The following LCORL variants were observed in gnomAD, a reference collection of about 807,000 sequenced individuals.
LCORL encodes ligand-dependent nuclear receptor corepressor-like protein.
A neutral mutation model predicts 141.8 loss-of-function variants in LCORL; 41 were observed. That is an observed-to-expected ratio of 0.29 (90% CI 0.23 to 0.38). LCORL has a LOEUF of 0.38. Ranked by LOEUF, LCORL falls within the 10% of genes least tolerant of loss-of-function variation. The pLI, the probability that LCORL is intolerant of heterozygous loss-of-function variation, is 1.00. For synonymous variants in LCORL, 618 were observed against 694.1 expected (o/e 0.89, Z 1.72); for missense variants, 1,759 against 2,035.0 (o/e 0.86, Z 2.61).
At chr4:17,938,235 A>G (rs1268129604) in intron 4 of LCORL, among the ~76,000 whole-genome samples, 3 of 151,218 alleles carry the variant, frequency 2.0e-5, no homozygotes, top group Non-Finnish European at 3.0e-5. Context: ...TCGAACTCCC[A>G]ACCTCAGGTG....
intron 4 of LCORL, among the ~76,000 whole-genome samples, chr4:17,919,543 T>C (rs1733972476): frequency 6.6e-6 from 1 of 152,162 alleles, no homozygotes; most frequent in Admixed American, 6.5e-5. Flanking sequence ...GTCACAAGAA[T>C]TTTTTGCTTT....
At chr4:17,917,426 C>G (rs905123113) in intron 4 of LCORL, among the ~76,000 whole-genome samples, 1 of 152,226 alleles carries the variant, frequency 6.6e-6, no homozygotes, top group Non-Finnish European at 1.5e-5. Context: ...CTCCCGACCT[C>G]AGGTGATCTG....
Position 17,873,769 on chromosome 4 carries a change from T to C in LCORL, c.5221A>G (p.Asn1741Asp), listed in dbSNP as rs886444928. The change falls in exon 7 of 8, where the codon AAT becomes GAT. Residue 1741 changes from asparagine (N) to aspartate (D), a missense_variant. Asn to Asp is a conservative substitution (Grantham distance 23, BLOSUM62 1). Around this residue, in one of 5 missense-constraint regions of LCORL, gnomAD observed 313 missense variants for 336.1 expected, o/e 0.93. Coordinates refer to ENST00000635767, the Ensembl canonical transcript of LCORL. ...ATGATTGTATTTAGCTTAAAAGTAT[T>C]TCTGTGTTCAAGACAGTTGAGCTTC... The C allele has an allele frequency of 1.5e-5, 18 of 1,233,992 alleles. No individual in the cohort carries two copies. In the African/African-American group the frequency reaches 2.3e-4, roughly 16 times the overall value. The allele number at this position is 1,233,992 out of a possible 1,614,324, so 76.4% of individuals were successfully genotyped here.
intron 5 of LCORL, among the ~76,000 whole-genome samples, chr4:17,894,714 G>A (rs1008396395): frequency 1.1e-4 from 17 of 152,120 alleles, no homozygotes; most frequent in African/African-American, 4.1e-4. Context: ...ACTTGTGAGA[G>A]AATGAGAGTA....
intron 4 of LCORL, among the ~76,000 whole-genome samples, chr4:17,939,274 T>C (rs1737418235): frequency 6.6e-6 from 1 of 152,192 alleles, no homozygotes; most frequent in Non-Finnish European, 1.5e-5. Flanking sequence ...AATGATAACA[T>C]CAATTGCTCA....
Position 17,936,965 on chromosome 4 carries a change from T to G in LCORL, c.430+24938A>C, listed in dbSNP as rs1167151812. Among the ~76,000 whole-genome samples the G allele has an allele frequency of 2.0e-5, 3 of 152,318 alleles. No homozygotes were observed. The East Asian group carries it at 5.8e-4, about 29-fold the overall frequency. On this transcript the variant is annotated intron_variant, in intron 4 of 7. Transcript: ENST00000635767. The stretch of plus-strand genomic sequence containing the variant: ...CAATATGCTCAATAGTCATGGGTCA[T>G]TTTTTATTATCCTGCAATAGTTTCA...
At chr4:17,904,534 C>G (rs968967117) in intron 5 of LCORL, among the ~76,000 whole-genome samples, 5 of 152,030 alleles carry the variant, frequency 3.3e-5, no homozygotes, top group Admixed American at 2.6e-4. Context: ...TTTTGCTTTT[C>G]ACATTTAGCT....
At chr4:17,955,939 G>A (rs1417636346) in intron 4 of LCORL, among the ~76,000 whole-genome samples, 1 of 151,970 alleles carries the variant, frequency 6.6e-6, no homozygotes, top group Non-Finnish European at 1.5e-5. Flanking sequence ...AGGCTGCAAT[G>A]AGGTGAAAAA....
At chr4:17,898,569 T>C (rs1730342648) in intron 5 of LCORL, among the ~76,000 whole-genome samples, 2 of 151,942 alleles carry the variant, frequency 1.3e-5, no homozygotes, top group Admixed American at 6.6e-5. Context: ...AAAGAGAGCA[T>C]GTAATATATG....
intron 1 of LCORL, among the ~76,000 whole-genome samples, chr4:17,988,339 T>C (rs906324931): frequency 3.3e-5 from 5 of 152,178 alleles, no homozygotes; most frequent in Admixed American, 1.3e-4. Flanking sequence ...CCAGTGGCAC[T>C]ATCATAGCTC....
chr4:17,875,969 T>C (rs1726878188), exon 7 of LCORL: 1 of 1,231,218 alleles, frequency 8.1e-7, no homozygotes, highest in East Asian at 3.2e-5. Flanking sequence ...TATCCTCATT[T>C]GTTTCTGTTT....
chr4:17,908,157 C>G (rs148381967), intron 5 of LCORL, among the ~76,000 whole-genome samples: 19 of 152,162 alleles, frequency 1.2e-4, no homozygotes, highest in African/African-American at 4.6e-4. Context: ...CTCAGCCTCT[C>G]GACTAGCTGG....
chr4:17,985,038 C>A (rs562089249), intron 1 of LCORL, among the ~76,000 whole-genome samples: 1 of 152,024 alleles, frequency 6.6e-6, no homozygotes, highest in African/African-American at 2.4e-5. Context: ...ACGTGCTATT[C>A]AAGAGCACGT....
intron 1 of LCORL, among the ~76,000 whole-genome samples, chr4:18,018,133 C>G (rs1436073400): frequency 6.6e-6 from 1 of 152,074 alleles, no homozygotes; most frequent in Admixed American, 6.5e-5. Context: ...ATGGACTATA[C>G]AAGTCCTGAT....
At chr4:17,926,649 G>C (rs1560354397) in intron 4 of LCORL, among the ~76,000 whole-genome samples, 1 of 152,132 alleles carries the variant, frequency 6.6e-6, no homozygotes, top group Non-Finnish European at 1.5e-5. Flanking sequence ...CCTATTATGG[G>C]ACTTCACCTT....
intron 5 of LCORL, among the ~76,000 whole-genome samples, chr4:17,897,032 T>C (rs1319598245): frequency 6.6e-6 from 1 of 152,052 alleles, no homozygotes; most frequent in Non-Finnish European, 1.5e-5. Context: ...ATCCATCTTG[T>C]TGCAAATGAA....
At chr4:17,867,211 T>C (rs1577283214) in intron 7 of LCORL, among the ~76,000 whole-genome samples, 1 of 152,218 alleles carries the variant, frequency 6.6e-6, no homozygotes, top group South Asian at 2.1e-4. Flanking sequence ...GGATGGGGTG[T>C]TGGGGACGAA....
rs1722512109 is a variant in LCORL at position 17,842,523 on chromosome 4, C to G, written c.*3365G>C. ...TAAATAGCTGTCTTAGGTATATAGT[C>G]TAAAATTCCATCATCAAGAGCATTT... On this transcript the variant is annotated 3_prime_UTR_variant, in exon 8 of 8. Transcript: ENST00000635767. 2.2e-5 allele frequency: 14 copies of G among 647,304 alleles called. No individual in the cohort carries two copies. The South Asian group carries it at 2.9e-4, about 13-fold the overall frequency. 40.1% of individuals were successfully genotyped at this position (647,304 alleles called of 1,614,324 possible).
At chr4:17,875,182 T>C in exon 7 of LCORL, 1 of 1,231,994 alleles carries the variant, frequency 8.1e-7, no homozygotes, top group Non-Finnish European at 1.0e-6. Flanking sequence ...CTTACTTCTC[T>C]TTCCTGAGGT....
Sources: gnomAD v4.1 joint callset for allele counts (sites outside exome capture counted in the v4.1 genomes callset) on GRCh38, gnomAD v4.1.1 for gene constraint, gnomAD v4.1.1 regional missense constraint, MANE v1.5 for transcripts, NCBI Gene and HGNC (gene_info 2026-07-23, HGNC 2026-07-21) for gene names.